The following MDGA2 variants were observed in gnomAD, a reference collection of about 807,000 sequenced individuals.
MDGA2 encodes MAM domain containing glycosylphosphatidylinositol anchor 2, also known as MAM domain-containing glycosylphosphatidylinositol anchor protein 2.
MDGA2 carries 40 observed loss-of-function variants against 117.8 expected under a neutral mutation model. That is an observed-to-expected ratio of 0.34 (90% CI 0.26 to 0.44). The LOEUF (loss-of-function observed/expected upper bound fraction) is 0.44. Ranked by LOEUF, MDGA2 falls within the 20% of genes least tolerant of loss-of-function variation. The pLI is 1.00. For synonymous variants in MDGA2, 452 were observed against 439.0 expected (o/e 1.03, Z -0.37); for missense variants, 1,123 against 1,250.6 (o/e 0.90, Z 1.54).
chr14:47,533,060 G>T (rs185758448), intron 1 of MDGA2, among the ~76,000 whole-genome samples: 57 of 152,224 alleles, frequency 3.7e-4, no homozygotes, highest in African/African-American at 1.3e-3. Context: ...TTAATCCTGG[G>T]ATTATTTATT....
chr14:47,247,069 A>C (rs758155348), intron 2 of MDGA2, among the ~76,000 whole-genome samples: 2 of 151,806 alleles, frequency 1.3e-5, no homozygotes, highest in Non-Finnish European at 2.9e-5. Flanking sequence ...TCTACCATGT[A>C]ATGTTAAGGC....
chr14:47,065,975 A>C (rs1284552227), intron 6 of MDGA2, among the ~76,000 whole-genome samples: 1 of 152,194 alleles, frequency 6.6e-6, no homozygotes, highest in African/African-American at 2.4e-5. Flanking sequence ...ATAAATAAAA[A>C]TCAATTTCCT....
At chr14:47,334,846 C>G (rs1033895026) in intron 1 of MDGA2, among the ~76,000 whole-genome samples, 5 of 151,804 alleles carry the variant, frequency 3.3e-5, no homozygotes, top group Admixed American at 6.6e-5. Flanking sequence ...GGTGGAGGTC[C>G]AGATCAGCTC....
At chr14:47,233,533 T>A (rs971111754) in intron 2 of MDGA2, among the ~76,000 whole-genome samples, 1 of 152,114 alleles carries the variant, frequency 6.6e-6, no homozygotes, top group Non-Finnish European at 1.5e-5. Flanking sequence ...CTTAAGGATA[T>A]CTCATTGCTT....
At chr14:47,114,922 G>A (rs1253249958) in intron 5 of MDGA2, among the ~76,000 whole-genome samples, 3 of 148,670 alleles carry the variant, frequency 2.0e-5, no homozygotes, top group East Asian at 3.9e-4. Context: ...TTGACAAATG[G>A]GACCCGAGTA....
At chr14:47,297,849 T>C (rs1333858378) in intron 2 of MDGA2, among the ~76,000 whole-genome samples, 1 of 152,186 alleles carries the variant, frequency 6.6e-6, no homozygotes, top group Non-Finnish European at 1.5e-5. Flanking sequence ...AAAATCTACT[T>C]ATTTTCATAC....
intron 3 of MDGA2, among the ~76,000 whole-genome samples, chr14:47,145,102 T>C (rs1011638573): frequency 6.6e-6 from 1 of 152,280 alleles, no homozygotes; most frequent in South Asian, 2.1e-4. Context: ...AGATTATATT[T>C]GTTAATTTGA....
chr14:47,315,039 G>T (rs1042562157), intron 1 of MDGA2, among the ~76,000 whole-genome samples: 2 of 152,120 alleles, frequency 1.3e-5, no homozygotes, highest in African/African-American at 4.8e-5. Flanking sequence ...TTTGCTTTTT[G>T]CTTAATATGG....
chr14:47,246,754 G>A (rs1887250418), intron 2 of MDGA2, among the ~76,000 whole-genome samples: 1 of 148,890 alleles, frequency 6.7e-6, no homozygotes, highest in African/African-American at 2.5e-5. Flanking sequence ...TAAGAAGAAA[G>A]GTTAACAGGA....
chr14:46,938,410 G>A (rs1466592708), intron 9 of MDGA2, among the ~76,000 whole-genome samples: 2 of 150,996 alleles, frequency 1.3e-5, no homozygotes, highest in African/African-American at 2.4e-5. Context: ...GTAGTGGCGG[G>A]AGCCTATAAT....
intron 1 of MDGA2, among the ~76,000 whole-genome samples, chr14:47,496,449 G>A (rs899815593): frequency 1.3e-5 from 2 of 151,994 alleles, no homozygotes; most frequent in African/African-American, 2.4e-5. Context: ...AGGCTATGTT[G>A]CCCAGACTGG....
At chr14:47,329,371 TAAAAG>T (rs976410778) in intron 1 of MDGA2, among the ~76,000 whole-genome samples, 2 of 151,704 alleles carry the variant, frequency 1.3e-5, no homozygotes, top group Non-Finnish European at 2.9e-5. Context: ...GTGAAGAAAA[TAAAAG>T]AAAGAAAAGA....
At chr14:47,053,638 TATATATATATATATATAC>T (rs1180012479) in intron 7 of MDGA2, among the ~76,000 whole-genome samples, 6,063 of 50,970 alleles carry the variant, frequency 0.12, 270 homozygotes, top group Non-Finnish European at 0.14. Flanking sequence ...TATATATATA[TATATATATATATATATAC>T]ACACACACAC....
At chr14:47,289,668 A>T (rs76501841) in intron 2 of MDGA2, among the ~76,000 whole-genome samples, 4,365 of 152,208 alleles carry the variant, frequency 0.029, 150 homozygotes, top group East Asian at 0.18. Flanking sequence ...GAGCAATGCA[A>T]TCAATAGATT....
At chr14:46,926,446 A>G (rs761911309) in intron 9 of MDGA2, among the ~76,000 whole-genome samples, 7 of 152,168 alleles carry the variant, frequency 4.6e-5, no homozygotes, top group South Asian at 2.1e-4. Context: ...CCTTCTAAAA[A>G]TCAGAAATCA....
At chr14:46,969,933 CATAT>C (rs1157465830) in intron 8 of MDGA2, among the ~76,000 whole-genome samples, 408 of 14,780 alleles carry the variant, frequency 0.028, 2 homozygotes, top group Middle Eastern at 0.12. Context: ...TAAAGTATTC[CATAT>C]ATATATATAT....
chr14:47,435,692 T>C (rs1892882651), intron 1 of MDGA2, among the ~76,000 whole-genome samples: 1 of 152,132 alleles, frequency 6.6e-6, no homozygotes, highest in African/African-American at 2.4e-5. Context: ...TAAAGGCTTA[T>C]TGAAAAATGC....
At chr14:47,446,574 G>C (rs1374470643) in intron 1 of MDGA2, among the ~76,000 whole-genome samples, 1 of 152,028 alleles carries the variant, frequency 6.6e-6, no homozygotes, top group Non-Finnish European at 1.5e-5. Flanking sequence ...GGGGAGTGTT[G>C]TCGGTGTATA....
At chr14:47,164,646 G>T (rs1187229191) in intron 3 of MDGA2, among the ~76,000 whole-genome samples, 1 of 152,228 alleles carries the variant, frequency 6.6e-6, no homozygotes, top group Non-Finnish European at 1.5e-5. Flanking sequence ...CTTTTACACT[G>T]TTGGTAGGAC....
Sources: gnomAD v4.1 joint callset for allele counts (sites outside exome capture counted in the v4.1 genomes callset) on GRCh38, gnomAD v4.1.1 for gene constraint, MANE v1.5 for transcripts, NCBI Gene and HGNC (gene_info 2026-07-23, HGNC 2026-07-21) for gene names.